Variants in MEGF6 observed in about 807,000 individuals in gnomAD.
MEGF6 encodes multiple EGF like domains 6.
MEGF6 carries 184 observed loss-of-function variants against 207.1 expected under a neutral mutation model. The observed-to-expected ratio is 0.89, with a 90% CI of 0.79 to 1.00. The LOEUF (loss-of-function observed/expected upper bound fraction) is 1.00, where lower values mean the gene tolerates loss of function less well. Ranked by LOEUF, MEGF6 falls within the 50% of genes least tolerant of loss-of-function variation. The pLI is 0.00. For synonymous variants in MEGF6, 1,038 were observed against 910.0 expected (o/e 1.14, Z -2.53); for missense variants, 2,282 against 2,202.9 (o/e 1.04, Z -0.72).
At chr1:3,528,931 C>T (rs567528715) in intron 4 of MEGF6, among the ~76,000 whole-genome samples, 2 of 152,200 alleles carry the variant, frequency 1.3e-5, no homozygotes, top group Admixed American at 6.5e-5. Flanking sequence ...ACCGCACCCA[C>T]GGGGCACAAC....
upstream of MEGF6, among the ~76,000 whole-genome samples, chr1:3,615,723 C>A (rs1054075760): frequency 4.6e-5 from 7 of 152,214 alleles, no homozygotes; most frequent in African/African-American, 1.7e-4. Context: ...GCGTGTGGGA[C>A]CCACCCACCT....
chr1:3,501,379 G>A (rs761975981), intron 18 of MEGF6, 71 bp from the exon 19 acceptor site: 145 of 1,511,972 alleles, frequency 9.6e-5, no homozygotes, highest in African/African-American at 4.8e-4. Context: ...AACATGGCAC[G>A]ATGCCCCTGG....
At chr1:3,494,826 A>C in intron 30 of MEGF6, 85 bp from the exon 31 acceptor site, 1 of 1,452,014 alleles carries the variant, frequency 6.9e-7, no homozygotes, top group Non-Finnish European at 9.1e-7. Context: ...GCTGACAGTC[A>C]CTCGGTAAAT....
At chr1:3,490,680 C>T (rs1432055587) in intron 36 of MEGF6, 91 bp from the exon 37 acceptor site, 1 of 1,376,322 alleles carries the variant, frequency 7.3e-7, no homozygotes, top group Non-Finnish European at 1.0e-6. Flanking sequence ...TCCCTCCCAC[C>T]CCTCCCTTCA....
Position 3,499,211 on chromosome 1 carries a change from G to C in MEGF6, c.3021C>G (p.Asn1007Lys), listed in dbSNP as rs369603432. 1 of 1,604,838 alleles carries C rather than the reference G, an allele frequency of 6.2e-7. No homozygotes were observed. The highest frequency in any genetic ancestry group is 2.2e-5 in the East Asian group (1 of 44,608). ...HNCSQACACFNGASCDPVHGQ... is the reference protein window; with the variant it reads ...HNCSQACACFKGASCDPVHGQ... Reference sequence around the variant, plus strand: ...CGTGGACAGGGTCACAGGAGGCCCCGTTAAAGCAGGCACAGGCCTGGCTGC... The same window carrying C: ...CGTGGACAGGGTCACAGGAGGCCCCCTTAAAGCAGGCACAGGCCTGGCTGC... The change falls in exon 24 of 37, where the codon AAC (asparagine) becomes AAG (lysine). Residue 1007 changes from asparagine to lysine, a missense_variant. Transcript: ENST00000356575.
chr1:3,504,005 G>A (rs1641005027), intron 17 of MEGF6, among the ~76,000 whole-genome samples: 1 of 152,136 alleles, frequency 6.6e-6, no homozygotes, highest in South Asian at 2.1e-4. Flanking sequence ...TTGGGTGGAC[G>A]TTGCTCCCTC....
At chr1:3,505,773 G>A (rs1641091633) in intron 15 of MEGF6, among the ~76,000 whole-genome samples, 1 of 152,204 alleles carries the variant, frequency 6.6e-6, no homozygotes, top group Non-Finnish European at 1.5e-5. Context: ...CTTGCTGCCA[G>A]GAATCTCCAA....
intron 3 of MEGF6, among the ~76,000 whole-genome samples, chr1:3,593,680 G>A (rs900553247): frequency 1.3e-5 from 2 of 151,266 alleles, no homozygotes; most frequent in Non-Finnish European, 2.9e-5. Context: ...GTGGAAACCC[G>A]GGGGAGCCTT....
intron 2 of MEGF6, among the ~76,000 whole-genome samples, chr1:3,599,127 C>CCACCACAA (rs1420488581): frequency 3.4e-4 from 52 of 152,350 alleles, no homozygotes; most frequent in Admixed American, 7.8e-4. Flanking sequence ...CTGACCGCAG[C>CCACCACAA]CACCACAACA....
At chr1:3,572,672 C>CCCAGGGGTGCTGGGTCCTT (rs1643538422) in intron 4 of MEGF6, among the ~76,000 whole-genome samples, 1 of 128,714 alleles carries the variant, frequency 7.8e-6, no homozygotes, top group African/African-American at 3.1e-5. Flanking sequence ...ACTGGGTCCT[C>CCCAGGGGTGCTGGGTCCTT]CCAGGTGTGC....
chr1:3,521,941 G>A (rs78046265), intron 5 of MEGF6, among the ~76,000 whole-genome samples: 4,376 of 152,294 alleles, frequency 0.029, 103 homozygotes, highest in Middle Eastern at 0.058. Context: ...GGGGTCGCCA[G>A]GCCACCACCA....
intron 3 of MEGF6, 141 bp from the exon 4 acceptor site, chr1:3,580,070 T>G: frequency 1.7e-6 from 1 of 583,836 alleles, no homozygotes; most frequent in Non-Finnish European, 2.9e-6. Context: ...AGGTCACACA[T>G]TGCCCGGCCA....
intron 18 of MEGF6, 112 bp from the exon 19 acceptor site, chr1:3,501,420 A>G: frequency 7.0e-7 from 1 of 1,420,076 alleles, no homozygotes; most frequent in Non-Finnish European, 9.4e-7. Flanking sequence ...AACCACTGTT[A>G]CCATCTCAGC....
upstream of MEGF6, among the ~76,000 whole-genome samples, chr1:3,615,340 C>A (rs566604657): frequency 3.9e-5 from 6 of 152,324 alleles, no homozygotes; most frequent in South Asian, 1.0e-3. Flanking sequence ...TGGTGCAGAG[C>A]GCAGGTATTA....
chr1:3,619,223 A>G, the MEGF6 span, among the ~76,000 whole-genome samples: 3 of 152,206 alleles, frequency 2.0e-5, no homozygotes, highest in African/African-American at 7.2e-5. Flanking sequence ...GCTCCTTCAA[A>G]GCCCCAAGAA....
intron 25 of MEGF6, 84 bp downstream of exon 25, chr1:3,498,612 CCT>C (rs1640716121): frequency 3.4e-6 from 5 of 1,486,032 alleles, no homozygotes; most frequent in Non-Finnish European, 2.7e-6. Context: ...GGCGCTGCCC[CCT>C]GACCTGGGAG....
chr1:3,491,567 T>C (rs1640365950), intron 35 of MEGF6, among the ~76,000 whole-genome samples: 1 of 151,656 alleles, frequency 6.6e-6, no homozygotes, highest in Admixed American at 6.6e-5. Flanking sequence ...GATGCACACA[T>C]ACACAAAGTC....
At position 3,553,595 on chromosome 1, in the gene MEGF6, C is replaced by T. The variant is rs137918899; in HGVS notation, c.481+26230G>A. Among the ~76,000 whole-genome samples the T allele has an allele frequency of 3.1e-3, 466 of 152,252 alleles. 1 individual carries two copies. Among genetic ancestry groups the T allele is most frequent in the Middle Eastern group, 0.014 (4 of 292 alleles). On this transcript the variant is annotated intron_variant, in intron 4 of 36. Transcript: ENST00000356575. ...CAGGCTATGGCAGGAGCAGGATTTA[C>T]GAGGCCCTGCCTGCCCGGGAGGCCA... is the stretch of plus-strand genomic sequence containing the variant.
At chr1:3,492,922 C>G (rs1264562331) in intron 34 of MEGF6, 155 bp from the exon 35 acceptor site, 2 of 1,006,768 alleles carry the variant, frequency 2.0e-6, no homozygotes, top group African/African-American at 1.6e-5. Flanking sequence ...CCTCGGTTTC[C>G]CCTGAGGAGT....
Sources: gnomAD v4.1 joint callset for allele counts (sites outside exome capture counted in the v4.1 genomes callset) on GRCh38, gnomAD v4.1.1 for gene constraint, MANE v1.5 for transcripts, NCBI Gene and HGNC (gene_info 2026-07-23, HGNC 2026-07-21) for gene names.